CLIC6: variants seen among roughly 807,000 people sequenced by gnomAD.
CLIC6 encodes chloride intracellular channel protein 6.
CLIC6 carries 39 observed loss-of-function variants against 49.2 expected under a neutral mutation model. The ratio of observed to expected loss-of-function variants is 0.79; its 90% CI spans 0.61 to 1.04. CLIC6 has a LOEUF of 1.04. Ranked by LOEUF, CLIC6 falls within the 50% of genes least tolerant of loss-of-function variation. The pLI, the probability that CLIC6 is intolerant of heterozygous loss-of-function variation, is 0.00. For missense variants in CLIC6, 988 were observed against 993.1 expected (o/e 0.99, Z 0.07); for synonymous variants, 446 against 433.4 (o/e 1.03, Z -0.36).
At chr21:34,710,579 C>T (rs567265965) in intron 5 of CLIC6, among the ~76,000 whole-genome samples, 74 of 152,266 alleles carry the variant, frequency 4.9e-4, no homozygotes, top group African/African-American at 1.8e-3. Context: ...TTTGGGAGGC[C>T]AAGGCGGGCA....
At position 34,716,899 on chromosome 21, in the gene CLIC6, C is replaced by CACAA. The variant is rs913254079; in HGVS notation, c.*418_*419insCAAA. On this transcript the variant is annotated 3_prime_UTR_variant, in exon 6 of 6. Coordinates refer to ENST00000349499, the MANE Select transcript of CLIC6 (RefSeq NM_053277.3). ...ACACACACACACACACACACACACA[C>CACAA]AATTTCATTCATATATGGTATTGCA... 6.6e-6 allele frequency: 1 copy of CACAA among 150,750 alleles called. No homozygotes were observed. The allele number at this position is 150,750 out of a possible 1,614,324, so 9.3% of individuals were successfully genotyped here.
chr21:34,672,210 T>A (rs1455789086), intron 1 of CLIC6, among the ~76,000 whole-genome samples: 2 of 152,250 alleles, frequency 1.3e-5, no homozygotes, highest in African/African-American at 4.8e-5. Context: ...TTTATTTCTT[T>A]GTGTAAAATT....
At chr21:34,682,961 G>C (rs796616903) in intron 1 of CLIC6, among the ~76,000 whole-genome samples, 2 of 151,482 alleles carry the variant, frequency 1.3e-5, no homozygotes, top group Non-Finnish European at 2.9e-5. Context: ...ACAGGCGCCC[G>C]CCAACACGCC....
At chr21:34,686,871 G>A (rs1989891497) in intron 1 of CLIC6, among the ~76,000 whole-genome samples, 1 of 152,186 alleles carries the variant, frequency 6.6e-6, no homozygotes, top group Non-Finnish European at 1.5e-5. Context: ...CACTGGGCAT[G>A]TGTATGAAAC....
At chr21:34,693,202 CAG>C (rs1990027573) in intron 1 of CLIC6, among the ~76,000 whole-genome samples, 2 of 152,096 alleles carry the variant, frequency 1.3e-5, no homozygotes, top group South Asian at 2.1e-4. Context: ...GGAGGTCTGT[CAG>C]GGGTTAGAAA....
intron 5 of CLIC6, among the ~76,000 whole-genome samples, chr21:34,715,712 G>T (rs1175187793): frequency 6.6e-6 from 1 of 152,324 alleles, no homozygotes; most frequent in Non-Finnish European, 1.5e-5. Flanking sequence ...TTCTCTTGGT[G>T]CTGTCTCTCG....
intron 1 of CLIC6, among the ~76,000 whole-genome samples, chr21:34,706,277 C>T (rs753568408): frequency 3.9e-5 from 6 of 152,142 alleles, no homozygotes; most frequent in Non-Finnish European, 8.8e-5. Context: ...TACTTTTCAA[C>T]AGCTCAATCT....
chr21:34,684,678 T>A (rs903426091), intron 1 of CLIC6, among the ~76,000 whole-genome samples: 1 of 152,248 alleles, frequency 6.6e-6, no homozygotes, highest in Non-Finnish European at 1.5e-5. Context: ...CTATGGCACA[T>A]GAAAGATTAT....
intron 1 of CLIC6, among the ~76,000 whole-genome samples, chr21:34,674,858 A>G (rs1004802940): frequency 6.6e-6 from 1 of 152,222 alleles, no homozygotes; most frequent in Non-Finnish European, 1.5e-5. Context: ...GCAGAGAGTT[A>G]AGTAAGAACT....
Position 34,669,804 on chromosome 21 carries a change from A to G in CLIC6, c.416A>G (p.Glu139Gly). The G allele has an allele frequency of 1.4e-6, 2 of 1,409,484 alleles. No homozygotes were observed. Among genetic ancestry groups the G allele is most frequent in the Non-Finnish European group, 1.8e-6 (2 of 1,090,878 alleles). The allele number at this position is 1,409,484 out of a possible 1,614,324, so 87.3% of individuals were successfully genotyped here. A position where few individuals can be genotyped will look rare whatever the true frequency, so the allele number is the denominator to read the frequency against. Residue 139 changes from glutamate (E) to glycine (G), a missense_variant, in exon 1 of 6, where the codon GAG becomes GGG. Transcript: ENST00000349499. ...PEDSAAPERQ[E>G]EAEQRPEVPE... ...GACTCTGCGGCCCCCGAGAGGCAGGAGGAGGCGGAGCAGAGGCCTGAGGTC... is the reference window on the plus strand; with the variant it reads ...GACTCTGCGGCCCCCGAGAGGCAGGGGGAGGCGGAGCAGAGGCCTGAGGTC...
At chr21:34,711,044 T>C (rs1050142822) in intron 5 of CLIC6, among the ~76,000 whole-genome samples, 2 of 152,210 alleles carry the variant, frequency 1.3e-5, no homozygotes, top group Non-Finnish European at 2.9e-5. Context: ...GAGATTGCTA[T>C]GTCCTTGGCC....
At chr21:34,714,445 T>C (rs1568973198) in intron 5 of CLIC6, among the ~76,000 whole-genome samples, 1 of 152,110 alleles carries the variant, frequency 6.6e-6, no homozygotes, top group African/African-American at 2.4e-5. Flanking sequence ...TCCAGAACTT[T>C]GGGTGGCTGA....
chr21:34,672,102 A>G (rs1238170167), intron 1 of CLIC6, among the ~76,000 whole-genome samples: 1 of 152,232 alleles, frequency 6.6e-6, no homozygotes, highest in Non-Finnish European at 1.5e-5. Flanking sequence ...TTTGATGGAC[A>G]GTAGCAGCTT....
intron 1 of CLIC6, among the ~76,000 whole-genome samples, chr21:34,675,526 T>A (rs1241090047): frequency 6.6e-6 from 1 of 151,814 alleles, no homozygotes; most frequent in Admixed American, 6.6e-5. Flanking sequence ...AAAAACAAAT[T>A]TTTTGTAATT....
intron 1 of CLIC6, among the ~76,000 whole-genome samples, chr21:34,684,872 T>C (rs1989846664): frequency 6.6e-6 from 1 of 152,202 alleles, no homozygotes; most frequent in Non-Finnish European, 1.5e-5. Context: ...CCCTTATTTT[T>C]ACAAAGGAGA....
chr21:34,701,456 A>G (rs1173713582), intron 1 of CLIC6, among the ~76,000 whole-genome samples: 1 of 152,106 alleles, frequency 6.6e-6, no homozygotes, highest in African/African-American at 2.4e-5. Context: ...AAGAGTAATG[A>G]TGATGATGTT....
chr21:34,700,495 G>C (rs540917523), intron 1 of CLIC6, among the ~76,000 whole-genome samples: 1 of 139,158 alleles, frequency 7.2e-6, no homozygotes, highest in Admixed American at 6.9e-5. Flanking sequence ...TGATTTGGAG[G>C]CTGCTTTTTA....
chr21:34,700,808 G>A (rs967383392), intron 1 of CLIC6, among the ~76,000 whole-genome samples: 1 of 139,784 alleles, frequency 7.2e-6, no homozygotes, highest in Non-Finnish European at 1.5e-5. Context: ...TTCTGGAAAA[G>A]GAAGCAGTTC....
rs760206035 is a variant in CLIC6, at chr21:34,670,119, G to T, written c.731G>T (p.Gly244Val). The change falls in exon 1 of 6, where the codon GGC becomes GTC. Residue 244 changes from glycine to valine, a missense_variant. Transcript: ENST00000349499. ...GPAGDSVDAE[G>V]RVGDSVEAGD... ...GCGGGGGACAGCGTAGACGCGGAGG[G>T]CCGGGTGGGGGACAGCGTAGAGGCG... 132 of 1,386,844 alleles carry T rather than the reference G, an allele frequency of 9.5e-5. No homozygotes were observed. The highest frequency in any genetic ancestry group is 1.2e-4 in the Non-Finnish European group (128 of 1,078,552). 85.9% of individuals were successfully genotyped at this position (1,386,844 alleles called of 1,614,324 possible).
Sources: allele counts gnomAD v4.1 joint callset (sites outside exome capture counted in the v4.1 genomes callset), GRCh38; gene constraint gnomAD v4.1.1; transcripts MANE v1.5; gene names NCBI Gene and HGNC (gene_info 2026-07-23, HGNC 2026-07-21).